ADK: variants seen among roughly 807,000 people sequenced by gnomAD.
ADK encodes adenosine kinase, also known as N6,N6-dimethyladenosine kinase.
In ADK, 24 loss-of-function variants were observed where a neutral mutation model predicts 44.7. That is an observed-to-expected ratio of 0.54 (90% CI 0.39 to 0.76). ADK has a LOEUF of 0.76. Among genes scored for constraint, ADK ranks in the 30% least tolerant of loss-of-function variants. The pLI, the probability that ADK is intolerant of heterozygous loss-of-function variation, is 0.00. For missense variants in ADK, 321 were observed against 425.1 expected (o/e 0.76, Z 2.15); for synonymous variants, 128 against 142.6 (o/e 0.90, Z 0.73).
intron 1 of ADK, among the ~76,000 whole-genome samples, chr10:74,185,842 GAAAAAAA>G (rs71021593): frequency 1.8e-4 from 12 of 65,824 alleles, no homozygotes; most frequent in Middle Eastern, 0.013. Context: ...GTCTCAAAAA[GAAAAAAA>G]AAAAAAAAAA....
intron 1 of ADK, among the ~76,000 whole-genome samples, chr10:74,184,501 TTG>T (rs67693938): frequency 0.11 from 14,538 of 138,272 alleles, 699 homozygotes; most frequent in Middle Eastern, 0.16. Flanking sequence ...TGGCTATATT[TTG>T]TGTGTGTGTG....
chr10:74,421,856 A>G (rs573441672), intron 6 of ADK, among the ~76,000 whole-genome samples: 2 of 152,326 alleles, frequency 1.3e-5, no homozygotes, highest in South Asian at 2.1e-4. Flanking sequence ...AACATGTAGC[A>G]TTGGATTAAG....
chr10:74,486,269 T>G (rs1847265652), intron 6 of ADK, among the ~76,000 whole-genome samples: 2 of 152,178 alleles, frequency 1.3e-5, no homozygotes, highest in Admixed American at 1.3e-4. Context: ...TGTCTTCCCC[T>G]TCTGCCATAA....
At chr10:74,197,768 C>T (rs1017736423) in intron 1 of ADK, among the ~76,000 whole-genome samples, 2 of 151,138 alleles carry the variant, frequency 1.3e-5, no homozygotes, top group African/African-American at 4.9e-5. Context: ...AATTGTACTT[C>T]ATTCTTAGAA....
At chr10:74,496,462 C>T (rs1194415064) in intron 6 of ADK, among the ~76,000 whole-genome samples, 5 of 152,220 alleles carry the variant, frequency 3.3e-5, no homozygotes. Flanking sequence ...TTCATTCTCT[C>T]TCCTGCCACC....
At chr10:74,347,263 G>A (rs1226937762) in intron 4 of ADK, among the ~76,000 whole-genome samples, 1 of 152,000 alleles carries the variant, frequency 6.6e-6, no homozygotes, top group African/African-American at 2.4e-5. Context: ...ATTAGGCAGT[G>A]GTTGCAGCCC....
intron 3 of ADK, among the ~76,000 whole-genome samples, chr10:74,277,036 G>C (rs1390064087): frequency 5.3e-5 from 8 of 152,096 alleles, no homozygotes; most frequent in African/African-American, 1.7e-4. Context: ...TCCTGCCTCA[G>C]CCTCCGGAGT....
chr10:74,575,395 T>G (rs1851148714), intron 7 of ADK, among the ~76,000 whole-genome samples: 1 of 152,226 alleles, frequency 6.6e-6, no homozygotes, highest in Non-Finnish European at 1.5e-5. Context: ...CAAATTCTTT[T>G]ACAATGCAGA....
chr10:74,539,547 C>CT (rs1311643897), intron 7 of ADK, among the ~76,000 whole-genome samples: 1 of 152,056 alleles, frequency 6.6e-6, no homozygotes, highest in Non-Finnish European at 1.5e-5. Context: ...TGGAAGTCCC[C>CT]TTTCTGAGAC....
chr10:74,405,403 T>C (rs1843883579), intron 6 of ADK, among the ~76,000 whole-genome samples: 1 of 151,926 alleles, frequency 6.6e-6, no homozygotes, highest in Admixed American at 6.6e-5. Context: ...AATCTAATTT[T>C]ATTCAGTTTA....
intron 4 of ADK, among the ~76,000 whole-genome samples, chr10:74,369,292 G>T (rs1842587492): frequency 6.6e-6 from 1 of 152,196 alleles, no homozygotes; most frequent in Non-Finnish European, 1.5e-5. Context: ...GGAGGTAGAG[G>T]CTGCAATGAG....
chr10:74,677,565 C>T (rs1460565638), intron 10 of ADK, among the ~76,000 whole-genome samples: 1 of 152,182 alleles, frequency 6.6e-6, no homozygotes, highest in African/African-American at 2.4e-5. Context: ...CTCTCCATCT[C>T]AGAAGACTAG....
intron 2 of ADK, among the ~76,000 whole-genome samples, chr10:74,202,004 A>G (rs906649600): frequency 1.3e-5 from 2 of 152,104 alleles, no homozygotes; most frequent in Non-Finnish European, 2.9e-5. Flanking sequence ...TATATTCACA[A>G]AGTTGTACAA....
chr10:74,620,548 T>C (rs1852956909), intron 9 of ADK, among the ~76,000 whole-genome samples: 1 of 152,240 alleles, frequency 6.6e-6, no homozygotes, highest in Non-Finnish European at 1.5e-5. Flanking sequence ...TTTCATGTCT[T>C]GGCTATAGTG....
intron 2 of ADK, among the ~76,000 whole-genome samples, chr10:74,221,326 C>T (rs1336242823): frequency 6.7e-6 from 1 of 150,088 alleles, no homozygotes; most frequent in Non-Finnish European, 1.5e-5. Context: ...ATGTGAAGGA[C>T]CTCTTCAAGG....
At chr10:74,504,143 C>G (rs1847966565) in intron 6 of ADK, among the ~76,000 whole-genome samples, 2 of 152,158 alleles carry the variant, frequency 1.3e-5, no homozygotes, top group Non-Finnish European at 2.9e-5. Context: ...CACAAGAGTG[C>G]TACAGGATAT....
chr10:74,502,807 C>G (rs892175000), intron 6 of ADK, among the ~76,000 whole-genome samples: 17 of 152,010 alleles, frequency 1.1e-4, no homozygotes, highest in African/African-American at 3.6e-4. Flanking sequence ...GTGTTATACT[C>G]AAATGTAAAG....
At chr10:74,234,104 A>G (rs1844876129) in intron 3 of ADK, among the ~76,000 whole-genome samples, 1 of 152,206 alleles carries the variant, frequency 6.6e-6, no homozygotes, top group East Asian at 1.9e-4. Flanking sequence ...TTATGCCAAC[A>G]CTATTTCCCC....
At chr10:74,573,553 T>A (rs1217019615) in intron 7 of ADK, among the ~76,000 whole-genome samples, 4 of 152,186 alleles carry the variant, frequency 2.6e-5, no homozygotes, top group South Asian at 4.1e-4. Context: ...ATAGGGACAT[T>A]TAAGTCTGCA....
Sources: gnomAD v4.1 joint callset for allele counts (sites outside exome capture counted in the v4.1 genomes callset) on GRCh38, gnomAD v4.1.1 for gene constraint, MANE v1.5 for transcripts, NCBI Gene and HGNC (gene_info 2026-07-23, HGNC 2026-07-21) for gene names.